The following ECT2L variants were observed in gnomAD, a reference collection of about 807,000 sequenced individuals.
ECT2L encodes epithelial cell-transforming sequence 2 oncogene-like.
In ECT2L, 126 loss-of-function variants were observed where a neutral mutation model predicts 122.8. The observed-to-expected ratio is 1.03, with a 90% CI of 0.89 to 1.19. The LOEUF (loss-of-function observed/expected upper bound fraction) is 1.19, where lower values mean the gene tolerates loss of function less well. ECT2L is among the 50% of genes most tolerant of loss of function. ECT2L has a pLI of 0.00. For synonymous variants in ECT2L, 385 were observed against 381.8 expected (o/e 1.01, Z -0.10); for missense variants, 1,012 against 1,064.1 (o/e 0.95, Z 0.68).
At chr6:138,846,029 C>A (rs1186167099) in intron 7 of ECT2L, among the ~76,000 whole-genome samples, 2 of 152,110 alleles carry the variant, frequency 1.3e-5, no homozygotes, top group Non-Finnish European at 2.9e-5. Context: ...TGTGATGACA[C>A]AACTGCACTC....
rs368608672 is a variant in ECT2L at position 138,876,460 on chromosome 6, T to C, written c.1579-12T>C. ...CCTGCCTCCAATAACCAAGTTTCCATTCAATCTTCAGGAAAGAAATGTTGT... is the reference window on the plus strand; with the variant it reads ...CCTGCCTCCAATAACCAAGTTTCCACTCAATCTTCAGGAAAGAAATGTTGT... On this transcript the variant is annotated splice_polypyrimidine_tract_variant and intron_variant, in intron 13 of 21. Transcript: ENST00000541398. 12 of 1,598,780 alleles carry C rather than the reference T, an allele frequency of 7.5e-6. No homozygotes were observed. The African/African-American group carries it at 1.6e-4, about 21-fold the overall frequency.
At chr6:138,843,683 CTATT>C (rs570310879) in intron 6 of ECT2L, among the ~76,000 whole-genome samples, 76 of 152,024 alleles carry the variant, frequency 5.0e-4, no homozygotes, top group Non-Finnish European at 9.1e-4. Flanking sequence ...GTTAAGCCCC[CTATT>C]TATTTATTTA....
intron 18 of ECT2L, 109 bp from the exon 19 acceptor site, chr6:138,886,748 T>A: frequency 1.3e-6 from 1 of 797,788 alleles, no homozygotes; most frequent in Non-Finnish European, 2.1e-6. Flanking sequence ...TTATAACATA[T>A]GAAAATACCA....
intron 4 of ECT2L, among the ~76,000 whole-genome samples, chr6:138,825,693 G>C (rs145350757): frequency 1.3e-5 from 2 of 152,146 alleles, no homozygotes; most frequent in Non-Finnish European, 2.9e-5. Context: ...CTGTGCATTC[G>C]TATGACTATA....
Position 138,902,657 on chromosome 6 carries a change from A to C in ECT2L, c.*30A>C. ...GAACTTGAAAACTTCAGGGGTGCCA[A>C]TTCTCCCCAGCAAAGACAGACAACA... On this transcript the variant is annotated 3_prime_UTR_variant, in exon 22 of 22. Transcript: ENST00000541398. 1 of 1,611,766 alleles carries C rather than the reference A, an allele frequency of 6.2e-7. No homozygotes were observed.
intron 4 of ECT2L, among the ~76,000 whole-genome samples, chr6:138,822,329 G>A (rs62440911): frequency 0.11 from 17,115 of 151,996 alleles, 1,337 homozygotes; most frequent in East Asian, 0.27. Context: ...TGAGGTCGGC[G>A]GATCACTTGA....
At chr6:138,860,243 A>C (rs931881127) in intron 10 of ECT2L, among the ~76,000 whole-genome samples, 1 of 151,848 alleles carries the variant, frequency 6.6e-6, no homozygotes, top group Admixed American at 6.6e-5. Flanking sequence ...ATTTTCTCCT[A>C]TGTTTTTTCT....
chr6:138,855,402 G>C (rs1002257514), intron 10 of ECT2L, among the ~76,000 whole-genome samples: 1 of 151,998 alleles, frequency 6.6e-6, no homozygotes, highest in South Asian at 2.1e-4. Flanking sequence ...CCAGCTACTC[G>C]GGAGGCTGAG....
At position 138,843,198 on chromosome 6, in the gene ECT2L, A is replaced by T. The variant is rs1415858411; in HGVS notation, c.562A>T (p.Lys188Ter). The T allele has an allele frequency of 1.9e-6, 3 of 1,609,800 alleles. No individual in the cohort carries two copies. The highest frequency in any genetic ancestry group is 2.5e-6 in the Non-Finnish European group (3 of 1,177,844). The change falls in exon 6 of 22, where the codon AAA becomes TAA. Residue 188 changes from lysine to a stop codon, truncating the protein, a stop_gained. Coordinates refer to ENST00000541398, the MANE Select transcript of ECT2L (RefSeq NM_001077706.3). LOFTEE classifies it high-confidence loss of function. ...LERQREKCLR[K>*]RIWEKIALRK... ...GAGACAAAGAGAAAAGTGCCTGAGG[A>T]AAAGAATTTGGGAGAAAATTGCACT...
intron 4 of ECT2L, among the ~76,000 whole-genome samples, chr6:138,822,011 C>T (rs187589956): frequency 9.2e-5 from 14 of 152,342 alleles, no homozygotes; most frequent in East Asian, 5.8e-4. Flanking sequence ...CCTCCAGAAC[C>T]GTAAGAAGAT....
intron 1 of ECT2L, among the ~76,000 whole-genome samples, chr6:138,807,169 T>C (rs1298441200): frequency 6.6e-6 from 1 of 151,944 alleles, no homozygotes; most frequent in Non-Finnish European, 1.5e-5. Context: ...AGACAGGGTT[T>C]TGCCATGTTG....
intron 4 of ECT2L, among the ~76,000 whole-genome samples, chr6:138,836,222 A>AAACTATTCTATGTAAATATCCTG (rs1213531391): frequency 1.3e-5 from 2 of 152,156 alleles, no homozygotes; most frequent in Non-Finnish European, 2.9e-5. Flanking sequence ...AAGTAATCAA[A>AAACTATTCTATGTAAATATCCTG]AACTATTCTA....
chr6:138,887,228 A>AC (rs1491405156), intron 19 of ECT2L, among the ~76,000 whole-genome samples: 1 of 71,368 alleles, frequency 1.4e-5, no homozygotes, highest in African/African-American at 5.9e-5. Flanking sequence ...TCTTTTCTTT[A>AC]ATTTTTTTTT....
At chr6:138,856,275 C>A (rs539860411) in intron 10 of ECT2L, among the ~76,000 whole-genome samples, 1 of 150,392 alleles carries the variant, frequency 6.6e-6, no homozygotes, top group African/African-American at 2.4e-5. Context: ...AGTGCAGTGG[C>A]GTGATCTCGG....
intron 14 of ECT2L, chr6:138,879,135 GC>G (rs1426601661): frequency 1.9e-5 from 4 of 215,716 alleles, no homozygotes; most frequent in Non-Finnish European, 3.8e-5. Flanking sequence ...TCATTGATTG[GC>G]CATCTGACAA....
Position 138,902,879 on chromosome 6 carries a change from T to C in ECT2L, c.*252T>C, listed in dbSNP as rs548054431. 1 of 391,330 alleles carries C rather than the reference T, an allele frequency of 2.6e-6. No homozygotes were observed. The highest frequency in any genetic ancestry group is 6.0e-5 in the East Asian group (1 of 16,670). 24.2% of individuals were successfully genotyped at this position (391,330 alleles called of 1,614,324 possible). A position where few individuals can be genotyped will look rare whatever the true frequency, so the allele number is the denominator to read the frequency against. ...GGTAGCTGTATTTCATGGATAATAT[T>C]ATTTAGAGTAATTTGATGTGATGAA... On this transcript the variant is annotated 3_prime_UTR_variant, in exon 22 of 22. Transcript: ENST00000541398.
rs549115562 is a variant in ECT2L, at chr6:138,877,331, T to A, written c.1665+773T>A. Among the ~76,000 whole-genome samples, 9 of 152,012 alleles carry A rather than the reference T, an allele frequency of 5.9e-5. No individual in the cohort carries two copies. The South Asian group carries it at 1.7e-3, about 28-fold the overall frequency. On this transcript the variant is annotated intron_variant, in intron 14 of 21. Transcript: ENST00000541398. ...TGGATGCCCACTTGCCCCAAACCCA[T>A]CCCTAGGAACACCCAGGAGGAGCAT...
chr6:138,821,437 G>T (rs1221160483), intron 4 of ECT2L, among the ~76,000 whole-genome samples: 1 of 151,564 alleles, frequency 6.6e-6, no homozygotes, highest in Non-Finnish European at 1.5e-5. Context: ...CCTCAGATGT[G>T]TCCAGAAGAA....
Position 138,854,105 on chromosome 6 carries a change from TGAA to T in ECT2L, c.1157_1159del (p.Glu386del), listed in dbSNP as rs1264242402. 7 of 1,614,120 alleles carry T rather than the reference TGAA, an allele frequency of 4.3e-6. No individual in the cohort carries two copies. The highest frequency in any genetic ancestry group is 2.2e-5 in the East Asian group (1 of 44,878). ...AGAAATTAGGAAGCTATGTGGCCAC[TGAA>T]GAAGAAGGGGGTCACGTGGACTTCT... On this transcript the variant is annotated inframe_deletion, in exon 10 of 22. Transcript: ENST00000541398.
Sources: gnomAD v4.1 joint callset for allele counts (sites outside exome capture counted in the v4.1 genomes callset) on GRCh38, gnomAD v4.1.1 for gene constraint, MANE v1.5 for transcripts, NCBI Gene and HGNC (gene_info 2026-07-23, HGNC 2026-07-21) for gene names.